HIP1: variants seen among roughly 807,000 people sequenced by gnomAD.
HIP1 encodes huntingtin-interacting protein 1.
HIP1 carries 65 observed loss-of-function variants against 147.6 expected under a neutral mutation model. The observed-to-expected ratio is 0.44, with a 90% confidence interval of 0.36 to 0.54. The LOEUF (loss-of-function observed/expected upper bound fraction) is 0.54. Ranked by LOEUF, HIP1 falls within the 20% of genes least tolerant of loss-of-function variation. The probability of loss-of-function intolerance (pLI) is 0.00; values close to 1 mark genes in which losing one functional copy is unlikely to be tolerated. For synonymous variants in HIP1, 479 were observed against 504.0 expected (o/e 0.95, Z 0.67); for missense variants, 1,061 against 1,299.6 (o/e 0.82, Z 2.82).
chr7:75,650,451 A>ATATTTTTTTTTT (rs1798934305), intron 1 of HIP1, among the ~76,000 whole-genome samples: 1 of 105,000 alleles, frequency 9.5e-6, no homozygotes, highest in Non-Finnish European at 2.0e-5. Flanking sequence ...CTGCCCAGTT[A>ATATTTTTTTTTT]TCTTTTTTTT....
rs148742061 is a variant in HIP1 at position 75,575,868 on chromosome 7, C to T, written c.605-1967G>A. On this transcript the variant is annotated intron_variant, in intron 7 of 30. Coordinates refer to ENST00000336926, the MANE Select transcript of HIP1 (RefSeq NM_005338.7). ...GAAGCCTAGCACTGCCTGTATTCCG[C>T]TTCCCGACTGCACTAATCCCTGGTA... is the stretch of plus-strand genomic sequence containing the variant. Among the ~76,000 whole-genome samples the T allele has an allele frequency of 4.5e-3, 686 of 152,160 alleles. 11 individuals are homozygous for T. Among genetic ancestry groups the T allele is most frequent in the African/African-American group, 0.016 (656 of 41,522 alleles).
In HIP1 at chr7:75,563,214, G is replaced by A. The variant is rs781830302; in HGVS notation, c.853C>T (p.Leu285Phe). The A allele has an allele frequency of 1.9e-6, 3 of 1,614,134 alleles. No individual in the cohort carries two copies. Among genetic ancestry groups the A allele is most frequent in the African/African-American group, 2.7e-5 (2 of 74,946 alleles). ...TCAGGCAGCTGGGGGATCTGAATGA[G>A]CCGCTTGAAGTACTGCAGGTTGCTG... is the stretch of plus-strand genomic sequence containing the variant. ...RSSNLQYFKR[L>F]IQIPQLPENP... The change falls in exon 10 of 31, where the codon CTC becomes TTC. Residue 285 changes from leucine (L) to phenylalanine (F), a missense_variant. Leu to Phe is a conservative substitution (Grantham distance 22, BLOSUM62 0). This residue lies in a region of HIP1 where 810 missense variants were observed against 946.8 expected (regional missense o/e 0.86). Coordinates refer to ENST00000336926, the MANE Select transcript of HIP1 (RefSeq NM_005338.7).
At chr7:75,605,861 T>C (rs1270709015) in intron 1 of HIP1, among the ~76,000 whole-genome samples, 3 of 152,068 alleles carry the variant, frequency 2.0e-5, no homozygotes, top group African/African-American at 7.2e-5. Flanking sequence ...ATTATTATTA[T>C]TTTTTGGAGA....
At chr7:75,638,971 G>A in intron 1 of HIP1, 3 of 525,372 alleles carry the variant, frequency 5.7e-6, no homozygotes, top group Non-Finnish European at 7.3e-6. Flanking sequence ...GATCGCGCCG[G>A]CTAGGAGGGG....
chr7:75,715,921 G>A (rs1801304507), intron 1 of HIP1, among the ~76,000 whole-genome samples: 1 of 151,952 alleles, frequency 6.6e-6, no homozygotes. Flanking sequence ...AGGGGAAGGG[G>A]AATCAGGCGT....
chr7:75,538,192 C>T lies in HIP1; in HGVS notation c.3094G>A (p.Val1032Met), dbSNP rs1304887095. 4 of 1,613,282 alleles carry T rather than the reference C, an allele frequency of 2.5e-6. No homozygotes were observed. Among genetic ancestry groups the T allele is most frequent in the Non-Finnish European group, 1.7e-6 (2 of 1,179,472 alleles). ...TEASPPTLQEVVTEKE is the reference protein window; with the variant it reads ...TEASPPTLQEMVTEKE ...TGGCTCTATTCTTTTTCGGTTACCACTTCTTGCAGTGTAGGTGGAGATGCC... is the reference window on the plus strand; with the variant it reads ...TGGCTCTATTCTTTTTCGGTTACCATTTCTTGCAGTGTAGGTGGAGATGCC... Residue 1032 changes from valine (V) to methionine (M), a missense_variant, in exon 31 of 31, where the codon GTG becomes ATG. Around this residue, in one of 3 missense-constraint regions of HIP1, gnomAD observed 810 missense variants for 946.8 expected, o/e 0.86. Transcript: ENST00000336926.
chr7:75,638,314 G>C (rs1798513381), intron 1 of HIP1, among the ~76,000 whole-genome samples: 1 of 151,806 alleles, frequency 6.6e-6, no homozygotes, highest in Non-Finnish European at 1.5e-5. Flanking sequence ...CCTGGTACCG[G>C]CTGAAGGCTG....
In HIP1 at chr7:75,567,591, A is replaced by T. The variant is rs1489143690; in HGVS notation, c.803+608T>A. On this transcript the variant is annotated intron_variant, in intron 9 of 30. Coordinates refer to ENST00000336926, the MANE Select transcript of HIP1 (RefSeq NM_005338.7). ...GCTGAGGTGGGCAGATCACAAGGTC[A>T]AGAGATCGAGACCATCCTGGCCAAC... Among the ~76,000 whole-genome samples, 2 of 151,230 alleles carry T rather than the reference A, an allele frequency of 1.3e-5. 1 individual carries two copies. The highest frequency in any genetic ancestry group is 4.9e-5 in the African/African-American group (2 of 40,590).
chr7:75,732,432 G>A (rs1446776204), intron 1 of HIP1, among the ~76,000 whole-genome samples: 1 of 152,132 alleles, frequency 6.6e-6, no homozygotes, highest in Non-Finnish European at 1.5e-5. Flanking sequence ...GTGCAGTGGT[G>A]TGATCACGGC....
intron 1 of HIP1, among the ~76,000 whole-genome samples, chr7:75,727,882 C>T (rs1456118701): frequency 6.6e-6 from 1 of 151,592 alleles, no homozygotes; most frequent in African/African-American, 2.4e-5. Context: ...AAATAAATGT[C>T]TGTACCTTTT....
intron 2 of HIP1, among the ~76,000 whole-genome samples, chr7:75,597,016 C>T (rs1450819075): frequency 6.6e-6 from 1 of 152,144 alleles, no homozygotes; most frequent in Non-Finnish European, 1.5e-5. Flanking sequence ...TGAGAAAATC[C>T]ACTGGGCCGT....
intron 1 of HIP1, among the ~76,000 whole-genome samples, chr7:75,650,651 C>T (rs1393807377): frequency 6.6e-6 from 1 of 152,078 alleles, no homozygotes; most frequent in Non-Finnish European, 1.5e-5. Context: ...CGGGGTTTCG[C>T]CATGTTGGCC....
intron 1 of HIP1, among the ~76,000 whole-genome samples, chr7:75,667,628 C>T (rs1377159310): frequency 2.0e-5 from 3 of 152,126 alleles, no homozygotes; most frequent in Non-Finnish European, 4.4e-5. Context: ...TGAGGCTACA[C>T]GCGTGTGCCA....
intron 1 of HIP1, among the ~76,000 whole-genome samples, chr7:75,734,217 G>A (rs936689099): frequency 6.6e-6 from 1 of 151,754 alleles, no homozygotes; most frequent in Non-Finnish European, 1.5e-5. Context: ...CTGCACTCCA[G>A]CCTGAGCAAC....
intron 1 of HIP1, among the ~76,000 whole-genome samples, chr7:75,677,166 G>GT (rs1799921827): frequency 6.6e-6 from 1 of 151,986 alleles, no homozygotes; most frequent in Non-Finnish European, 1.5e-5. Context: ...TTGCACTCCA[G>GT]TCTGGGGGAC....
chr7:75,633,357 A>G (rs1361598862), intron 1 of HIP1, among the ~76,000 whole-genome samples: 4 of 151,930 alleles, frequency 2.6e-5, no homozygotes, highest in African/African-American at 4.8e-5. Context: ...CAGTGGTGCG[A>G]TCTCAGCTTA....
intron 1 of HIP1, among the ~76,000 whole-genome samples, chr7:75,614,592 G>T (rs1797570443): frequency 6.6e-6 from 1 of 152,156 alleles, no homozygotes; most frequent in Non-Finnish European, 1.5e-5. Flanking sequence ...TGCTTAATGG[G>T]AACAGGGTTT....
At chr7:75,577,335 A>G (rs1212021360) in intron 7 of HIP1, among the ~76,000 whole-genome samples, 5 of 151,302 alleles carry the variant, frequency 3.3e-5, no homozygotes, top group African/African-American at 1.2e-4. Context: ...CCATCTCCAA[A>G]AAAAAAAAAA....
intron 22 of HIP1, among the ~76,000 whole-genome samples, chr7:75,552,577 G>A (rs1446017027): frequency 8.6e-5 from 13 of 151,182 alleles, no homozygotes; most frequent in Admixed American, 8.6e-4. Flanking sequence ...GGCTGATATT[G>A]AACTCCTGGC....
Sources: allele counts gnomAD v4.1 joint callset (sites outside exome capture counted in the v4.1 genomes callset), GRCh38; gene constraint gnomAD v4.1.1; regional missense constraint gnomAD v4.1.1; transcripts MANE v1.5; gene names NCBI Gene and HGNC (gene_info 2026-07-23, HGNC 2026-07-21).